TNFSF13B: variants seen among roughly 807,000 people sequenced by gnomAD.
The protein encoded by TNFSF13B is TNF superfamily member 13b.
A neutral mutation model predicts 29.1 loss-of-function variants in TNFSF13B; 8 were observed. The ratio of observed to expected loss-of-function variants is 0.27; its 90% confidence interval spans 0.16 to 0.50. The LOEUF (loss-of-function observed/expected upper bound fraction) is 0.50, where lower values mean the gene tolerates loss of function less well. Among genes scored for constraint, TNFSF13B ranks in the 20% least tolerant of loss-of-function variants. The pLI is 0.98. For missense variants in TNFSF13B, 248 were observed against 334.9 expected (o/e 0.74, Z 2.03); for synonymous variants, 125 against 130.8 (o/e 0.96, Z 0.30).
intron 2 of TNFSF13B, among the ~76,000 whole-genome samples, chr13:108,286,345 C>T (rs991083058): frequency 2.6e-5 from 4 of 151,186 alleles, no homozygotes; most frequent in Non-Finnish European, 4.4e-5. Context: ...CTGTTCAATA[C>T]GTATTAGCAT....
intron 2 of TNFSF13B, among the ~76,000 whole-genome samples, chr13:108,272,151 G>C (rs1175212419): frequency 6.6e-6 from 1 of 151,978 alleles, no homozygotes; most frequent in Non-Finnish European, 1.5e-5. Context: ...TGTGTTGCTT[G>C]TTTACTAATA....
intron 3 of TNFSF13B, among the ~76,000 whole-genome samples, chr13:108,287,233 C>A (rs1421526640): frequency 6.6e-6 from 1 of 152,078 alleles, no homozygotes; most frequent in African/African-American, 2.4e-5. Context: ...AACTAACCTG[C>A]ATGTTGTGCA....
intron 3 of TNFSF13B, among the ~76,000 whole-genome samples, chr13:108,296,305 G>A (rs9555453): frequency 0.062 from 9,063 of 145,488 alleles, 1,303 homozygotes; most frequent in East Asian, 0.21. Flanking sequence ...AGGTATTCTT[G>A]ATACATTGAC....
At chr13:108,287,769 C>G (rs751626745) in intron 3 of TNFSF13B, among the ~76,000 whole-genome samples, 1 of 152,080 alleles carries the variant, frequency 6.6e-6, no homozygotes, top group Non-Finnish European at 1.5e-5. Context: ...CGTTTTCTCA[C>G]AGAGGTAGAA....
At chr13:108,301,218 T>C (rs1881613513) in intron 3 of TNFSF13B, 1 of 152,002 alleles carries the variant, frequency 6.6e-6, no homozygotes, top group African/African-American at 2.4e-5. Context: ...CCAAAGAAAA[T>C]GAAATCAGTG....
intron 3 of TNFSF13B, among the ~76,000 whole-genome samples, chr13:108,302,007 A>G (rs902471697): frequency 6.6e-6 from 1 of 152,208 alleles, no homozygotes; most frequent in Non-Finnish European, 1.5e-5. Context: ...TGAAGAAGGC[A>G]TGTACACTTG....
chr13:108,274,039 G>C (rs1278176606), intron 2 of TNFSF13B, among the ~76,000 whole-genome samples: 4 of 151,970 alleles, frequency 2.6e-5, no homozygotes, highest in African/African-American at 9.7e-5. Context: ...TCTTCCTTAT[G>C]ATTTTTTAAA....
chr13:108,292,540 T>TC (rs2139060341), intron 3 of TNFSF13B, among the ~76,000 whole-genome samples: 1 of 152,162 alleles, frequency 6.6e-6, no homozygotes, highest in African/African-American at 2.4e-5. Context: ...CATTTTGCCT[T>TC]CCCCCCAGCA....
intron 4 of TNFSF13B, 31 bp downstream of exon 4, chr13:108,303,396 G>A: frequency 1.9e-6 from 3 of 1,609,762 alleles, no homozygotes; most frequent in Non-Finnish European, 2.5e-6. Flanking sequence ...TGGTTTTACT[G>A]TTCAAAGCCT....
In TNFSF13B at chr13:108,271,202, A is replaced by C. The variant is rs1033553414; in HGVS notation, c.424+778A>C. 1.3e-5 allele frequency among the ~76,000 whole-genome samples: 2 copies of C among 152,284 alleles called. 1 individual carries two copies. On this transcript the variant is annotated intron_variant, in intron 2 of 5. Coordinates refer to ENST00000375887, the MANE Select transcript of TNFSF13B (RefSeq NM_006573.5). ...TTTGTATACATTTATTAAAGTTATA[A>C]TATAACAAATTCTTAATATTATTGT...
Position 108,295,781 on chromosome 13 carries a change from T to G in TNFSF13B, c.482-7472T>G, listed in dbSNP as rs982340041. On this transcript the variant is annotated intron_variant, in intron 3 of 5. Transcript: ENST00000375887. The stretch of plus-strand genomic sequence containing the variant: ...TTTTCTATTTTCTTCTAGGATTTAT[T>G]TATAGATCAATTTGTTGTTTAAGAA... Among the ~76,000 whole-genome samples, 5 of 145,848 alleles carry G rather than the reference T, an allele frequency of 3.4e-5. 1 individual carries two copies. The South Asian group carries it at 1.1e-3, about 31-fold the overall frequency.
intron 2 of TNFSF13B, among the ~76,000 whole-genome samples, chr13:108,277,313 GAC>G (rs776715028): frequency 6.6e-6 from 1 of 152,182 alleles, no homozygotes; most frequent in Non-Finnish European, 1.5e-5. Flanking sequence ...CAATAAAATA[GAC>G]AAGTTATTTA....
chr13:108,299,501 C>G (rs1303953237), intron 3 of TNFSF13B, among the ~76,000 whole-genome samples: 1 of 131,602 alleles, frequency 7.6e-6, no homozygotes, highest in Non-Finnish European at 1.7e-5. Flanking sequence ...TTTTGTTTGC[C>G]TAGACTCTAT....
At chr13:108,288,379 C>G (rs1238857125) in intron 3 of TNFSF13B, among the ~76,000 whole-genome samples, 1 of 152,078 alleles carries the variant, frequency 6.6e-6, no homozygotes, top group Non-Finnish European at 1.5e-5. Flanking sequence ...ATAAACCCAT[C>G]CTAAGCTGAA....
At chr13:108,281,129 C>G (rs190061427) in intron 2 of TNFSF13B, among the ~76,000 whole-genome samples, 1 of 151,962 alleles carries the variant, frequency 6.6e-6, no homozygotes, top group Non-Finnish European at 1.5e-5. Context: ...GCCTGTAATC[C>G]CAGCTACTCA....
At chr13:108,287,357 A>C (rs12428930) in intron 3 of TNFSF13B, among the ~76,000 whole-genome samples, 31,912 of 152,154 alleles carry the variant, frequency 0.21, 4,107 homozygotes, top group East Asian at 0.43. Context: ...TAAAGACTGT[A>C]TTTGAATTGC....
chr13:108,306,518 T>C (rs755728917), intron 5 of TNFSF13B, among the ~76,000 whole-genome samples: 15 of 152,046 alleles, frequency 9.9e-5, no homozygotes, highest in Non-Finnish European at 2.1e-4. Context: ...TAATATTCTA[T>C]CAAGGGATGT....
intron 2 of TNFSF13B, among the ~76,000 whole-genome samples, chr13:108,278,491 C>G (rs891851397): frequency 1.3e-5 from 2 of 150,210 alleles, no homozygotes; most frequent in African/African-American, 4.9e-5. Context: ...TATATTATCC[C>G]TTTCCTCTTC....
At chr13:108,303,897 T>C (rs1881698327) in intron 5 of TNFSF13B, among the ~76,000 whole-genome samples, 1 of 152,184 alleles carries the variant, frequency 6.6e-6, no homozygotes, top group Admixed American at 6.5e-5. Context: ...TACTTCTACA[T>C]AGTAACTTCT....
Sources: allele counts gnomAD v4.1 joint callset (sites outside exome capture counted in the v4.1 genomes callset), GRCh38; gene constraint gnomAD v4.1.1; transcripts MANE v1.5; gene names NCBI Gene and HGNC (gene_info 2026-07-23, HGNC 2026-07-21).